DYNC2I1: variants seen among roughly 807,000 people sequenced by gnomAD.
DYNC2I1 encodes cytoplasmic dynein 2 intermediate chain 1.
Under a neutral mutation model 133.4 loss-of-function variants are expected in DYNC2I1, and 89 were observed. That is an observed-to-expected ratio of 0.67 (90% CI 0.56 to 0.80). The LOEUF (loss-of-function observed/expected upper bound fraction) is 0.80, where lower values mean the gene tolerates loss of function less well. Among genes scored for constraint, DYNC2I1 ranks in the 30% least tolerant of loss-of-function variants. The pLI is 0.00. For missense variants in DYNC2I1, 1,291 were observed against 1,314.5 expected (o/e 0.98, Z 0.28); for synonymous variants, 504 against 484.3 (o/e 1.04, Z -0.54).
At chr7:158,894,379 T>C (rs947631984) in intron 8 of DYNC2I1, among the ~76,000 whole-genome samples, 7 of 151,572 alleles carry the variant, frequency 4.6e-5, no homozygotes, top group Non-Finnish European at 8.8e-5. Context: ...CATTGTAAAG[T>C]AAAAAAAAAT....
chr7:158,888,700 C>T (rs567052089), intron 7 of DYNC2I1, among the ~76,000 whole-genome samples: 1 of 151,324 alleles, frequency 6.6e-6, no homozygotes, highest in South Asian at 2.1e-4. Flanking sequence ...GAACTCCTGA[C>T]CTTAGGTGAT....
chr7:158,874,802 G>A (rs1281568088), intron 3 of DYNC2I1, among the ~76,000 whole-genome samples: 2 of 152,170 alleles, frequency 1.3e-5, no homozygotes, highest in African/African-American at 4.8e-5. Flanking sequence ...CCAGGCTTGT[G>A]TATCCCCTGT....
chr7:158,938,764 C>T (rs1851030444), intron 23 of DYNC2I1, among the ~76,000 whole-genome samples: 1 of 151,504 alleles, frequency 6.6e-6, no homozygotes, highest in Non-Finnish European at 1.5e-5. Flanking sequence ...TCAACAACAA[C>T]AACAACAACA....
At position 158,945,026 on chromosome 7, in the gene DYNC2I1, C is replaced by T. The variant is rs11765725; in HGVS notation, c.3003-555C>T. Reference sequence around the variant, plus strand: ...TTAGAGCTGGGGCCTGGTCAGGGAGCGTGTGGTCATCAGAGTGAGGGAAGG... The same window carrying T: ...TTAGAGCTGGGGCCTGGTCAGGGAGTGTGTGGTCATCAGAGTGAGGGAAGG... On this transcript the variant is annotated intron_variant, in intron 24 of 24. Coordinates refer to ENST00000407559, the MANE Select transcript of DYNC2I1 (RefSeq NM_018051.5). This position sits in a 1 kb window ranked among gnomAD's most constrained non-coding sequence, Gnocchi z 4.1. Among the ~76,000 whole-genome samples the T allele has an allele frequency of 0.15, 22,715 of 151,852 alleles. 1,875 individuals carry two copies. Among genetic ancestry groups the T allele is most frequent in the Non-Finnish European group, 0.17 (11,226 of 67,938 alleles).
At chr7:158,857,790 C>A (rs1386887569) in intron 1 of DYNC2I1, among the ~76,000 whole-genome samples, 1 of 112,436 alleles carries the variant, frequency 8.9e-6, no homozygotes, top group African/African-American at 4.4e-5. Flanking sequence ...CTGCACCCGG[C>A]CTTTTTTTTT....
intron 24 of DYNC2I1, among the ~76,000 whole-genome samples, chr7:158,942,472 G>A (rs1325056375): frequency 6.6e-6 from 1 of 151,962 alleles, no homozygotes; most frequent in African/African-American, 2.4e-5. Flanking sequence ...TTCACTCTTG[G>A]GTTGTGCATT....
At chr7:158,875,696 T>G (rs536435048) in intron 3 of DYNC2I1, among the ~76,000 whole-genome samples, 1 of 152,206 alleles carries the variant, frequency 6.6e-6, no homozygotes, top group African/African-American at 2.4e-5. Context: ...CCTGGCTTCC[T>G]TGTTGATTCA....
the DYNC2I1 span, among the ~76,000 whole-genome samples, chr7:158,842,014 G>T: frequency 6.6e-6 from 1 of 152,120 alleles, no homozygotes; most frequent in Non-Finnish European, 1.5e-5. Flanking sequence ...AGATCCTGTG[G>T]CTGGCAAGGT....
intron 14 of DYNC2I1, among the ~76,000 whole-genome samples, chr7:158,916,516 G>A (rs71546430): frequency 3.6e-5 from 2 of 56,066 alleles, no homozygotes; most frequent in East Asian, 7.6e-4. Flanking sequence ...ATTGTGAAAC[G>A]TCTACACGCT....
At position 158,945,141 on chromosome 7, in the gene DYNC2I1, G is replaced by C. The variant is rs564069964; in HGVS notation, c.3003-440G>C. ...TGATGGAGGTGCTGGTCCCATGGAG[G>C]CCAGGAGTGGAGGGGTCCGGGGCTC... On this transcript the variant is annotated intron_variant, in intron 24 of 24. Coordinates refer to ENST00000407559, the MANE Select transcript of DYNC2I1 (RefSeq NM_018051.5). The surrounding 1 kb of genome is among the most constrained non-coding windows in gnomAD (Gnocchi z 4.1). Among the ~76,000 whole-genome samples, 3 of 152,248 alleles carry C rather than the reference G, an allele frequency of 2.0e-5. No homozygotes were observed. In the East Asian group the frequency reaches 5.8e-4, roughly 29 times the overall value.
chr7:158,921,739 A>G (rs1309822219), intron 15 of DYNC2I1, among the ~76,000 whole-genome samples: 1 of 152,156 alleles, frequency 6.6e-6, no homozygotes. Context: ...GCTGCTTTCC[A>G]CATTGACTTG....
intron 11 of DYNC2I1, among the ~76,000 whole-genome samples, chr7:158,908,416 A>G (rs1847057112): frequency 6.6e-6 from 1 of 152,358 alleles, no homozygotes; most frequent in African/African-American, 2.4e-5. Context: ...GCAAGGTACA[A>G]TTGTCTGTAA....
At chr7:158,955,163 A>G (rs1410199300) in intron 4 of DYNC2I1, among the ~76,000 whole-genome samples, 1 of 152,252 alleles carries the variant, frequency 6.6e-6, no homozygotes. Context: ...GAAAGAGACC[A>G]TCAAATAATG....
chr7:158,865,185 A>C (rs1414774007), intron 1 of DYNC2I1, among the ~76,000 whole-genome samples: 1 of 152,176 alleles, frequency 6.6e-6, no homozygotes, highest in East Asian at 1.9e-4. Flanking sequence ...CTGATGGTGC[A>C]CCTTGGAGGT....
In DYNC2I1 at chr7:158,891,295, T is replaced by C. The variant is rs745805834; in HGVS notation, c.1021T>C (p.Trp341Arg). 6.2e-7 allele frequency: 1 copy of C among 1,614,010 alleles called. No individual in the cohort carries two copies. The highest frequency in any genetic ancestry group is 8.5e-7 in the Non-Finnish European group (1 of 1,179,880). ...HGHEEGSSVW[W>R]KLDQRPGGEE... Reference sequence around the variant, plus strand: ...CCACGAGGAAGGCTCTTCTGTGTGGTGGAAGCTGGACCAGAGGCCGGGAGG... The same window carrying C: ...CCACGAGGAAGGCTCTTCTGTGTGGCGGAAGCTGGACCAGAGGCCGGGAGG... The change falls in exon 8 of 25, where the codon TGG (tryptophan) becomes CGG (arginine). Residue 341 changes from tryptophan to arginine, a missense_variant. Transcript: ENST00000407559.
At chr7:158,896,606 G>A (rs1845781943) in intron 8 of DYNC2I1, among the ~76,000 whole-genome samples, 1 of 152,102 alleles carries the variant, frequency 6.6e-6, no homozygotes, top group African/African-American at 2.4e-5. Context: ...CTGAGTAGCT[G>A]GGACTACAGG....
chr7:158,917,985 G>A (rs529271628), intron 14 of DYNC2I1, among the ~76,000 whole-genome samples: 30 of 152,082 alleles, frequency 2.0e-4, no homozygotes, highest in African/African-American at 7.2e-4. Context: ...CTCCCATACG[G>A]TTGGCTTTCA....
At chr7:158,914,738 G>C (rs1847840727) in intron 14 of DYNC2I1, among the ~76,000 whole-genome samples, 1 of 152,200 alleles carries the variant, frequency 6.6e-6, no homozygotes, top group African/African-American at 2.4e-5. Flanking sequence ...ACAGTCCTGT[G>C]AAGCTACAGG....
chr7:158,897,569 A>G (rs751538959), intron 8 of DYNC2I1, among the ~76,000 whole-genome samples: 1 of 152,156 alleles, frequency 6.6e-6, no homozygotes, highest in Non-Finnish European at 1.5e-5. Context: ...TTTTAATGTC[A>G]TGGGATCTGC....
Sources: gnomAD v4.1 joint callset for allele counts (sites outside exome capture counted in the v4.1 genomes callset) on GRCh38, gnomAD v4.1.1 for gene constraint, Gnocchi (gnomAD v3.1) non-coding constraint, MANE v1.5 for transcripts, NCBI Gene and HGNC (gene_info 2026-07-23, HGNC 2026-07-21) for gene names.